KREMEN1: variants seen among roughly 807,000 people sequenced by gnomAD.
KREMEN1 encodes kringle containing transmembrane protein 1, also known as kremen protein 1.
KREMEN1 carries 30 observed loss-of-function variants against 46.5 expected under a neutral mutation model. The ratio of observed to expected loss-of-function variants is 0.65; its 90% confidence interval spans 0.48 to 0.88. The LOEUF (loss-of-function observed/expected upper bound fraction) is 0.88, where lower values mean the gene tolerates loss of function less well. KREMEN1 is among the 40% of genes least tolerant of loss of function. The probability of loss-of-function intolerance (pLI) is 0.00; values close to 1 mark genes in which losing one functional copy is unlikely to be tolerated. For missense variants in KREMEN1, 533 were observed against 596.9 expected, an observed-to-expected ratio of 0.89 and a Z score of 1.11; for synonymous variants, 214 against 230.6, an observed-to-expected ratio of 0.93 and a Z score of 0.65.
chr22:29,136,201 C>T (rs781025818), intron 5 of KREMEN1, among the ~76,000 whole-genome samples: 8 of 151,312 alleles, frequency 5.3e-5, no homozygotes, highest in African/African-American at 1.7e-4. Context: ...GGATTACAGG[C>T]GTGAGCCACC....
chr22:29,081,140 T>TC (rs2037649293), intron 1 of KREMEN1, among the ~76,000 whole-genome samples: 1 of 151,796 alleles, frequency 6.6e-6, no homozygotes, highest in Non-Finnish European at 1.5e-5. Context: ...CCCTCCCCAC[T>TC]CCCCCCGTCC....
intron 9 of KREMEN1, among the ~76,000 whole-genome samples, chr22:29,165,538 T>A (rs2039045915): frequency 6.6e-6 from 1 of 152,188 alleles, no homozygotes; most frequent in Non-Finnish European, 1.5e-5. Context: ...TTGGCCACAC[T>A]CTCATCTTGG....
intron 9 of KREMEN1, among the ~76,000 whole-genome samples, chr22:29,159,496 G>A (rs1251211300): frequency 1.3e-5 from 2 of 152,078 alleles, no homozygotes; most frequent in Non-Finnish European, 1.5e-5. Context: ...GCGCACGCCT[G>A]TAATCCCAGC....
At chr22:29,110,429 A>G (rs2038129767) in intron 3 of KREMEN1, among the ~76,000 whole-genome samples, 1 of 152,248 alleles carries the variant, frequency 6.6e-6, no homozygotes, top group African/African-American at 2.4e-5. Context: ...AGTGGGAGCA[A>G]CACACATGTA....
intron 9 of KREMEN1, among the ~76,000 whole-genome samples, chr22:29,161,249 T>C (rs2039006901): frequency 6.6e-6 from 1 of 152,118 alleles, no homozygotes. Flanking sequence ...GGCTCATGCC[T>C]GTGATCCCAG....
chr22:29,094,615 A>ACACACACACACACACACAC (rs1986199327), intron 2 of KREMEN1, among the ~76,000 whole-genome samples, 195 bp downstream of exon 2: 1 of 113,244 alleles, frequency 8.8e-6, no homozygotes, highest in African/African-American at 3.5e-5. Context: ...ACACACACAC[A>ACACACACACACACACACAC]ATTTACCACT....
intron 5 of KREMEN1, among the ~76,000 whole-genome samples, chr22:29,132,074 G>A (rs913752951): frequency 5.3e-5 from 8 of 151,602 alleles, no homozygotes; most frequent in Non-Finnish European, 8.8e-5. Context: ...GTTTCTCCGG[G>A]TTGGTCAGGC....
intron 3 of KREMEN1, among the ~76,000 whole-genome samples, chr22:29,115,276 C>T (rs1212465125): frequency 6.6e-6 from 1 of 151,998 alleles, no homozygotes; most frequent in East Asian, 1.9e-4. Context: ...ACTTTGAGGA[C>T]TCAGGGGGAA....
chr22:29,103,611 G>T (rs2038007959), intron 3 of KREMEN1, among the ~76,000 whole-genome samples: 1 of 152,140 alleles, frequency 6.6e-6, no homozygotes, highest in Admixed American at 6.5e-5. Flanking sequence ...ACGTCTTCGG[G>T]TTTAACATGT....
chr22:29,112,808 T>G (rs1233826076), intron 3 of KREMEN1, among the ~76,000 whole-genome samples: 1 of 152,216 alleles, frequency 6.6e-6, no homozygotes, highest in Non-Finnish European at 1.5e-5. Context: ...TTTTTCAAAT[T>G]GGCTTTTCCT....
At chr22:29,123,215 T>C (rs1467452694) in intron 4 of KREMEN1, among the ~76,000 whole-genome samples, 1 of 151,916 alleles carries the variant, frequency 6.6e-6, no homozygotes, top group Admixed American at 6.6e-5. Context: ...TAATTTGGAC[T>C]TCATAAAAAT....
chr22:29,129,555 C>T (rs1463119294), intron 5 of KREMEN1, among the ~76,000 whole-genome samples: 1 of 152,096 alleles, frequency 6.6e-6, no homozygotes, highest in Admixed American at 6.5e-5. Context: ...AGTCTGTCTC[C>T]CAGAACATGA....
At position 29,125,407 on chromosome 22, in the gene KREMEN1, C is replaced by G. The variant is rs763119687; in HGVS notation, c.622C>G (p.Leu208Val). 2.5e-6 allele frequency: 4 copies of G among 1,614,030 alleles called. No homozygotes were observed. The highest frequency in any genetic ancestry group is 3.4e-6 in the Non-Finnish European group (4 of 1,180,024). The part of the protein sequence containing the change: ...QPCGGDGRII[L>V]FDTLVGACGG... The stretch of plus-strand genomic sequence containing the variant: ...CTGTGGTGGCGATGGCAGGATCATC[C>G]TCTTTGATAGTGAGTATGCCCTGTG... Residue 208 changes from leucine to valine, a missense_variant, in exon 5 of 9, where the codon CTC (leucine) becomes GTC (valine). By Grantham distance (32) the Leu-to-Val change is conservative. Transcript: ENST00000400335.
rs2038795762 is a variant in KREMEN1 at position 29,143,136 on chromosome 22, G to C, written c.*1024G>C. The C allele has an allele frequency of 2.2e-6, 2 of 922,532 alleles. No individual in the cohort carries two copies. Among genetic ancestry groups the C allele is most frequent in the African/African-American group, 3.6e-5 (2 of 56,034 alleles). 57.1% of individuals were successfully genotyped at this position (922,532 alleles called of 1,614,324 possible). On this transcript the variant is annotated 3_prime_UTR_variant, in exon 9 of 9. Coordinates refer to ENST00000400335, the MANE Select transcript of KREMEN1 (RefSeq NM_001039570.3). The stretch of plus-strand genomic sequence containing the variant: ...CTGCACTCCAGCCTGGGTGACAAGA[G>C]TGAGACTCTGTCTCAAAAAAACAAA...
intron 1 of KREMEN1, among the ~76,000 whole-genome samples, chr22:29,088,230 A>G (rs966289201): frequency 1.2e-4 from 18 of 152,148 alleles, no homozygotes; most frequent in African/African-American, 4.1e-4. Flanking sequence ...ATGTGCCCAC[A>G]TACTCATGTT....
At chr22:29,123,046 T>C (rs890012573) in intron 4 of KREMEN1, among the ~76,000 whole-genome samples, 7 of 151,270 alleles carry the variant, frequency 4.6e-5, no homozygotes, top group Non-Finnish European at 7.4e-5. Flanking sequence ...GACTACATAC[T>C]GAACTCAAAA....
At chr22:29,166,470 C>T (rs926634681) in intron 9 of KREMEN1, among the ~76,000 whole-genome samples, 1 of 152,180 alleles carries the variant, frequency 6.6e-6, no homozygotes, top group East Asian at 1.9e-4. Context: ...CCCTAGACCT[C>T]GAGCCTAAGC....
intron 9 of KREMEN1, among the ~76,000 whole-genome samples, chr22:29,163,998 A>G (rs2039033159): frequency 6.6e-6 from 1 of 151,984 alleles, no homozygotes. Context: ...ATTGAATCAT[A>G]GCGCACTGCA....
At chr22:29,114,111 T>G (rs568635633) in intron 3 of KREMEN1, among the ~76,000 whole-genome samples, 1 of 151,952 alleles carries the variant, frequency 6.6e-6, no homozygotes, top group South Asian at 2.1e-4. Context: ...TATTTGGAGA[T>G]GAGGCCCTTG....
Sources: gnomAD v4.1 joint callset for allele counts (sites outside exome capture counted in the v4.1 genomes callset) on GRCh38, gnomAD v4.1.1 for gene constraint, MANE v1.5 for transcripts, NCBI Gene and HGNC (gene_info 2026-07-23, HGNC 2026-07-21) for gene names.